Variants in EPHA7 observed in about 807,000 individuals in gnomAD.
EPHA7 encodes EPH receptor A7.
EPHA7 carries 25 observed loss-of-function variants against 112.6 expected under a neutral mutation model. The ratio of observed to expected loss-of-function variants is 0.22; its 90% CI spans 0.16 to 0.31. The LOEUF is 0.31. Ranked by LOEUF, EPHA7 falls within the 10% of genes least tolerant of loss-of-function variation. The pLI, the probability that EPHA7 is intolerant of heterozygous loss-of-function variation, is 1.00. For missense variants in EPHA7, 962 were observed against 1,212.6 expected (o/e 0.79, Z 3.07); for synonymous variants, 437 against 406.5 (o/e 1.07, Z -0.90).
chr6:93,279,524 G>C (rs1771628983), intron 5 of EPHA7, among the ~76,000 whole-genome samples: 1 of 152,130 alleles, frequency 6.6e-6, no homozygotes. Context: ...AAAAGAGGTA[G>C]GCAAAGTTAC....
intron 7 of EPHA7, among the ~76,000 whole-genome samples, chr6:93,265,025 C>T (rs1770865108): frequency 6.6e-6 from 1 of 151,390 alleles, no homozygotes; most frequent in African/African-American, 2.4e-5. Context: ...CTATTAAATC[C>T]CTATTGTTCC....
At chr6:93,249,973 A>T (rs1272245307) in intron 14 of EPHA7, among the ~76,000 whole-genome samples, 1 of 152,178 alleles carries the variant, frequency 6.6e-6, no homozygotes, top group Non-Finnish European at 1.5e-5. Context: ...GCATTACAGA[A>T]ATTTAATGAT....
At chr6:93,355,736 C>T (rs550591838) in intron 5 of EPHA7, among the ~76,000 whole-genome samples, 57 of 152,174 alleles carry the variant, frequency 3.7e-4, no homozygotes, top group Admixed American at 6.5e-4. Context: ...CATAACTAAC[C>T]ACAACAAAGA....
intron 5 of EPHA7, among the ~76,000 whole-genome samples, chr6:93,317,659 C>G (rs891335896): frequency 2.6e-5 from 4 of 152,134 alleles, no homozygotes; most frequent in African/African-American, 9.7e-5. Context: ...ACTGCTTGAG[C>G]AGAGCCCATT....
In EPHA7 at chr6:93,272,397, C is replaced by T. The variant is rs1400112416; in HGVS notation, c.1350G>A (p.Met450Ile). Reference sequence around the variant, plus strand: ...CACTCCGCTGCAGTACTCTCTCCTTCATTACTCCACTCACTTGCGAGGGAG... The same window carrying T: ...CACTCCGCTGCAGTACTCTCTCCTTTATTACTCCACTCACTTGCGAGGGAG... ...QAAPSQVSGV[M>I]KERVLQRSVE... Residue 450 changes from methionine (M) to isoleucine (I), a missense_variant, in exon 6 of 17, where the codon ATG (methionine) becomes ATA (isoleucine). By Grantham distance (10) the Met-to-Ile change is conservative. Coordinates refer to ENST00000369303, the MANE Select transcript of EPHA7 (RefSeq NM_004440.4). The T allele has an allele frequency of 1.2e-6, 2 of 1,612,086 alleles. No individual in the cohort carries two copies. Among genetic ancestry groups the T allele is most frequent in the South Asian group, 1.1e-5 (1 of 91,056 alleles).
intron 9 of EPHA7, among the ~76,000 whole-genome samples, chr6:93,260,001 T>C (rs1047740816): frequency 5.3e-5 from 8 of 152,078 alleles, no homozygotes; most frequent in Non-Finnish European, 7.4e-5. Context: ...ACCGTTGATA[T>C]ATACATAAAA....
chr6:93,339,601 A>G (rs760000543), intron 5 of EPHA7, among the ~76,000 whole-genome samples: 1 of 151,780 alleles, frequency 6.6e-6, no homozygotes, highest in Non-Finnish European at 1.5e-5. Context: ...GGATTCAAAC[A>G]TTTTGATTCT....
chr6:93,263,749 C>A, intron 9 of EPHA7, 111 bp downstream of exon 9: 2 of 677,822 alleles, frequency 3.0e-6, no homozygotes, highest in Non-Finnish European at 2.4e-6. Context: ...ATTTTGAGCT[C>A]ATGGTATAAT....
At chr6:93,376,092 T>C (rs978341634) in intron 3 of EPHA7, among the ~76,000 whole-genome samples, 1 of 152,132 alleles carries the variant, frequency 6.6e-6, no homozygotes, top group African/African-American at 2.4e-5. Flanking sequence ...GGCACACTGC[T>C]ATACTGTCAC....
At chr6:93,336,869 A>G (rs1774904883) in intron 5 of EPHA7, among the ~76,000 whole-genome samples, 1 of 149,812 alleles carries the variant, frequency 6.7e-6, no homozygotes, top group Non-Finnish European at 1.5e-5. Flanking sequence ...TATAAATTGG[A>G]TAGTTTACAA....
Position 93,378,560 on chromosome 6 carries a change from T to A in EPHA7, c.833-20149A>T, listed in dbSNP as rs551247234. Among the ~76,000 whole-genome samples, 4 of 152,202 alleles carry A rather than the reference T, an allele frequency of 2.6e-5. No individual in the cohort carries two copies. In the East Asian group the frequency reaches 7.7e-4, roughly 29 times the overall value. On this transcript the variant is annotated intron_variant, in intron 3 of 16. Coordinates refer to ENST00000369303, the MANE Select transcript of EPHA7 (RefSeq NM_004440.4). ...TATTCCCTAGTCTCTACTCTTATAC[T>A]TTTCACTTATCCAGAATACATCAAG...
intron 3 of EPHA7, among the ~76,000 whole-genome samples, chr6:93,376,417 A>G (rs1019560399): frequency 7.2e-5 from 11 of 152,144 alleles, no homozygotes; most frequent in African/African-American, 2.7e-4. Flanking sequence ...CTGGAATTAC[A>G]GGCATAAGTC....
chr6:93,325,286 C>T (rs1215378406), intron 5 of EPHA7, among the ~76,000 whole-genome samples: 2 of 151,302 alleles, frequency 1.3e-5, no homozygotes, highest in African/African-American at 4.8e-5. Context: ...CATTATCTCA[C>T]TTATTCTTTT....
At chr6:93,274,603 A>G (rs546952521) in intron 5 of EPHA7, among the ~76,000 whole-genome samples, 1 of 151,936 alleles carries the variant, frequency 6.6e-6, no homozygotes, top group South Asian at 2.1e-4. Flanking sequence ...AAGTGAATAT[A>G]CTCCTGAATT....
intron 5 of EPHA7, among the ~76,000 whole-genome samples, chr6:93,343,809 C>T (rs1775258658): frequency 6.6e-6 from 1 of 151,608 alleles, no homozygotes; most frequent in South Asian, 2.1e-4. Context: ...AGGAGGTCAG[C>T]TGTTGTATTT....
intron 5 of EPHA7, among the ~76,000 whole-genome samples, chr6:93,279,096 C>A (rs576853424): frequency 2.6e-5 from 4 of 152,028 alleles, no homozygotes; most frequent in Middle Eastern, 6.8e-3. Context: ...CGACAAAATT[C>A]AAAAATACTA....
At chr6:93,334,397 G>T (rs766262580) in intron 5 of EPHA7, among the ~76,000 whole-genome samples, 14 of 151,908 alleles carry the variant, frequency 9.2e-5, no homozygotes, top group Non-Finnish European at 1.6e-4. Context: ...TGACAAATGG[G>T]AGGTAATTAA....
chr6:93,290,316 A>G (rs2127835149), intron 5 of EPHA7, among the ~76,000 whole-genome samples: 1 of 152,198 alleles, frequency 6.6e-6, no homozygotes, highest in East Asian at 1.9e-4. Flanking sequence ...AATGACTTGT[A>G]CCTTCTTGGA....
At chr6:93,368,260 C>A (rs1013537523) in intron 3 of EPHA7, among the ~76,000 whole-genome samples, 6 of 151,970 alleles carry the variant, frequency 3.9e-5, no homozygotes, top group African/African-American at 1.5e-4. Flanking sequence ...ACAGCATGCC[C>A]AATTATCTCC....
Sources: gnomAD v4.1 joint callset for allele counts (sites outside exome capture counted in the v4.1 genomes callset) on GRCh38, gnomAD v4.1.1 for gene constraint, MANE v1.5 for transcripts, NCBI Gene and HGNC (gene_info 2026-07-23, HGNC 2026-07-21) for gene names.